DCC: variants seen among roughly 807,000 people sequenced by gnomAD.
DCC encodes netrin receptor DCC.
Under a neutral mutation model 172.5 loss-of-function variants are expected in DCC, and 58 were observed. The ratio of observed to expected loss-of-function variants is 0.34; its 90% CI spans 0.27 to 0.42. DCC has a LOEUF of 0.42. Ranked by LOEUF, DCC falls within the 10% of genes least tolerant of loss-of-function variation. The pLI, the probability that DCC is intolerant of heterozygous loss-of-function variation, is 1.00. For synonymous variants in DCC, 709 were observed against 644.5 expected (o/e 1.10, Z -1.52); for missense variants, 1,740 against 1,791.0 (o/e 0.97, Z 0.51).
chr18:53,270,583 T>C (rs1464437818), intron 12 of DCC, among the ~76,000 whole-genome samples: 1 of 152,126 alleles, frequency 6.6e-6, no homozygotes, highest in Non-Finnish European at 1.5e-5. Flanking sequence ...TTTACCCTAA[T>C]ATGTTTAGAA....
intron 1 of DCC, among the ~76,000 whole-genome samples, chr18:52,448,806 A>C (rs1204655105): frequency 6.6e-6 from 1 of 152,344 alleles, no homozygotes; most frequent in African/African-American, 2.4e-5. Context: ...AATGGCCATA[A>C]CTTTCACCCT....
intron 5 of DCC, among the ~76,000 whole-genome samples, chr18:52,954,967 A>G (rs148115289): frequency 6.8e-4 from 104 of 152,164 alleles, no homozygotes; most frequent in African/African-American, 2.3e-3. Context: ...AACATTCCCT[A>G]TTTTCATACA....
At chr18:52,755,100 T>G (rs537799427) in intron 2 of DCC, among the ~76,000 whole-genome samples, 100 of 152,342 alleles carry the variant, frequency 6.6e-4, no homozygotes, top group African/African-American at 2.4e-3. Context: ...AGCAGCTTTC[T>G]CAGAATGCTC....
chr18:53,305,505 G>T, intron 12 of DCC, 73 bp from the exon 13 acceptor site: 2 of 1,250,470 alleles, frequency 1.6e-6, no homozygotes, highest in Non-Finnish European at 2.3e-6. Context: ...ACTTACGTTT[G>T]GGTTACTTCT....
chr18:52,610,163 AAAAAAAAAAAAAAAAATATATATATATAT>A lies in DCC; in HGVS notation c.92-141889_92-141861del, dbSNP rs1445983667. Among the ~76,000 whole-genome samples the A allele has an allele frequency of 2.8e-3, 54 of 19,022 alleles. 2 individuals are homozygous for A. The highest frequency in any genetic ancestry group is 0.013 in the African/African-American group (51 of 3,784). The allele number at this position is 19,022 out of a possible 152,430, so 12.5% of individuals were successfully genotyped here. On this transcript the variant is annotated intron_variant, in intron 1 of 28. Coordinates refer to ENST00000442544, the MANE Select transcript of DCC (RefSeq NM_005215.4). The stretch of plus-strand genomic sequence containing the variant: ...ACCCCATCTCTCATAAAAAAAAAAA[AAAAAAAAAAAAAAAAATATATATATATAT>A]ATATATATATATATATATATATATA...
At chr18:53,519,036 G>A (rs1277074947) in intron 27 of DCC, among the ~76,000 whole-genome samples, 1 of 152,092 alleles carries the variant, frequency 6.6e-6, no homozygotes, top group African/African-American at 2.4e-5. Context: ...AGCTTTAACT[G>A]GCTGGAGATT....
At chr18:52,849,961 A>G (rs1043117060) in intron 2 of DCC, among the ~76,000 whole-genome samples, 2 of 152,194 alleles carry the variant, frequency 1.3e-5, no homozygotes, top group African/African-American at 4.8e-5. Context: ...GTCATGAGAG[A>G]AAACTATTGC....
intron 15 of DCC, among the ~76,000 whole-genome samples, chr18:53,377,352 TGAGAGAGAGAGAGAGAGA>T (rs59629030): frequency 7.3e-6 from 1 of 137,298 alleles, no homozygotes; most frequent in African/African-American, 2.7e-5. Context: ...AAGATGCATT[TGAGAGAGAGAGAGAGAGA>T]GAGAGAGAGA....
intron 1 of DCC, among the ~76,000 whole-genome samples, chr18:52,376,097 C>G (rs1231633662): frequency 6.6e-6 from 1 of 152,138 alleles, no homozygotes; most frequent in Non-Finnish European, 1.5e-5. Context: ...TTTCCTTTAT[C>G]TGTAGGACGA....
At chr18:52,395,380 C>A (rs1401959197) in intron 1 of DCC, among the ~76,000 whole-genome samples, 2 of 151,966 alleles carry the variant, frequency 1.3e-5, no homozygotes, top group Non-Finnish European at 2.9e-5. Flanking sequence ...GCTCTGTTTG[C>A]GGTATTGCTC....
At chr18:53,188,696 A>G (rs2055323007) in intron 9 of DCC, among the ~76,000 whole-genome samples, 1 of 152,096 alleles carries the variant, frequency 6.6e-6, no homozygotes, top group South Asian at 2.1e-4. Flanking sequence ...GTATTTTCTG[A>G]CCTTTCTGGA....
intron 14 of DCC, among the ~76,000 whole-genome samples, chr18:53,323,807 T>C (rs1599024780): frequency 6.6e-6 from 1 of 152,002 alleles, no homozygotes; most frequent in Admixed American, 6.6e-5. Flanking sequence ...ACATTGGCGA[T>C]TGAGGGGAAG....
At chr18:53,112,753 A>G (rs566118813) in intron 7 of DCC, among the ~76,000 whole-genome samples, 21 of 151,538 alleles carry the variant, frequency 1.4e-4, no homozygotes, top group Non-Finnish European at 2.8e-4. Flanking sequence ...GTAGAATTGG[A>G]TATTATTCAC....
rs114656276 is a variant in DCC, at chr18:53,395,534, G to T, written c.2689-1774G>T. On this transcript the variant is annotated intron_variant, in intron 17 of 28. Transcript: ENST00000442544. Reference sequence around the variant, plus strand: ...AAGCAAAAATGGAAGTAATATATCTGCATGTCAGATACTAGCTGACCACTT... The same window carrying T: ...AAGCAAAAATGGAAGTAATATATCTTCATGTCAGATACTAGCTGACCACTT... 1.1e-3 allele frequency among the ~76,000 whole-genome samples: 165 copies of T among 152,256 alleles called. 2 individuals are homozygous for T. The highest frequency in any genetic ancestry group is 3.8e-3 in the African/African-American group (159 of 41,542).
At position 52,773,534 on chromosome 18, in the gene DCC, C is replaced by CTATA. The variant is rs1241414763; in HGVS notation, c.412+21164_412+21167dup. Among the ~76,000 whole-genome samples the CTATA allele has an allele frequency of 4.6e-5, 7 of 151,666 alleles. No individual in the cohort carries two copies. The South Asian group carries it at 8.4e-4, about 18-fold the overall frequency. On this transcript the variant is annotated intron_variant, in intron 2 of 28. Transcript: ENST00000442544. ...TATATCTATCTATTTATCTATCTATCTATATATTTTGAGACAGAGTCTCGC... is the reference window on the plus strand; with the variant it reads ...TATATCTATCTATTTATCTATCTATCTATATATATATTTTGAGACAGAGTCTCGC...
At chr18:52,346,917 A>G (rs750982795) in intron 1 of DCC, among the ~76,000 whole-genome samples, 15 of 152,174 alleles carry the variant, frequency 9.9e-5, no homozygotes, top group Non-Finnish European at 1.8e-4. Context: ...CAGTCATTTC[A>G]CCATGGCCCT....
chr18:52,766,084 A>C (rs191290922), intron 2 of DCC, among the ~76,000 whole-genome samples: 1 of 152,316 alleles, frequency 6.6e-6, no homozygotes, highest in Admixed American at 6.5e-5. Flanking sequence ...CAGCAACTGG[A>C]GTACACAAGT....
At chr18:52,683,899 G>T (rs1165362041) in intron 1 of DCC, among the ~76,000 whole-genome samples, 1 of 152,050 alleles carries the variant, frequency 6.6e-6, no homozygotes, top group Non-Finnish European at 1.5e-5. Flanking sequence ...AACAACCAAT[G>T]GAATCCTCGT....
At chr18:53,038,026 C>T (rs2042119709) in intron 5 of DCC, among the ~76,000 whole-genome samples, 1 of 151,960 alleles carries the variant, frequency 6.6e-6, no homozygotes, top group South Asian at 2.1e-4. Flanking sequence ...ACAGATGATA[C>T]AGTCTCAAAT....
Sources: gnomAD v4.1 joint callset for allele counts (sites outside exome capture counted in the v4.1 genomes callset) on GRCh38, gnomAD v4.1.1 for gene constraint, MANE v1.5 for transcripts, NCBI Gene and HGNC (gene_info 2026-07-23, HGNC 2026-07-21) for gene names.